The following ALDH5A1 variants were observed in gnomAD, a reference collection of about 807,000 sequenced individuals.
ALDH5A1 encodes the protein aldehyde dehydrogenase 5 family member A1, also known as succinate-semialdehyde dehydrogenase, mitochondrial.
A neutral mutation model predicts 54.7 loss-of-function variants in ALDH5A1; 33 were observed. The ratio of observed to expected loss-of-function variants is 0.60; its 90% CI spans 0.46 to 0.81. The LOEUF is 0.81. Ranked by LOEUF, ALDH5A1 falls within the 30% of genes least tolerant of loss-of-function variation. The pLI, the probability that ALDH5A1 is intolerant of heterozygous loss-of-function variation, is 0.00. For missense variants in ALDH5A1, 657 were observed against 711.0 expected, an observed-to-expected ratio of 0.92 and a Z score of 0.86; for synonymous variants, 294 against 292.7, an observed-to-expected ratio of 1.00 and a Z score of -0.05.
At chr6:24,525,569 G>A (rs979593735) in intron 7 of ALDH5A1, among the ~76,000 whole-genome samples, 3 of 151,804 alleles carry the variant, frequency 2.0e-5, no homozygotes, top group Non-Finnish European at 2.9e-5. Context: ...TTAGCCAGGT[G>A]TGGTGGCAAG....
chr6:24,504,805 C>T (rs1022416363), intron 3 of ALDH5A1, 64 bp from the exon 4 acceptor site: 6 of 1,467,000 alleles, frequency 4.1e-6, no homozygotes, highest in Non-Finnish European at 5.7e-6. Flanking sequence ...TCCCAACATG[C>T]CTTCCTTTGC....
At chr6:24,514,478 A>G (rs1470162337) in intron 4 of ALDH5A1, among the ~76,000 whole-genome samples, 2 of 152,146 alleles carry the variant, frequency 1.3e-5, no homozygotes, top group Non-Finnish European at 2.9e-5. Flanking sequence ...GTGGCTCACA[A>G]CTGTAATCCA....
Position 24,495,572 on chromosome 6 carries a change from G to A in ALDH5A1, c.354+222G>A, listed in dbSNP as rs569477806. On this transcript the variant is annotated intron_variant, in intron 1 of 9. Transcript: ENST00000357578. Reference sequence around the variant, plus strand: ...CTAGGGACACGACCCCTGCCCTCAAGCCTCATCAAGTTATGCACTGCCCAG... The same window carrying A: ...CTAGGGACACGACCCCTGCCCTCAAACCTCATCAAGTTATGCACTGCCCAG... Among the ~76,000 whole-genome samples, 10 of 152,320 alleles carry A rather than the reference G, an allele frequency of 6.6e-5. No individual in the cohort carries two copies. In the South Asian group the frequency reaches 1.7e-3, roughly 25 times the overall value.
Position 24,503,504 on chromosome 6 carries a change from C to T in ALDH5A1, c.609+71C>T, listed in dbSNP as rs2127382515. On this transcript the variant is annotated intron_variant, in intron 3 of 9. Transcript: ENST00000357578. Reference sequence around the variant, plus strand: ...GGAGTTGGGAAACAATTCATTCTTCCTCGTGAGCAGGTGTGCTCATCCTGT... The same window carrying T: ...GGAGTTGGGAAACAATTCATTCTTCTTCGTGAGCAGGTGTGCTCATCCTGT... 18 of 1,563,476 alleles carry T rather than the reference C, an allele frequency of 1.2e-5. 1 individual carries two copies. In the South Asian group the frequency reaches 1.9e-4, roughly 17 times the overall value.
chr6:24,532,084 C>G (rs778391183), intron 8 of ALDH5A1, 35 bp from the exon 9 acceptor site: 10 of 1,603,958 alleles, frequency 6.2e-6, no homozygotes, highest in Non-Finnish European at 8.5e-6. Flanking sequence ...TCCTCTCCCC[C>G]TTACATTTTT....
At chr6:24,514,369 C>T (rs991762025) in intron 4 of ALDH5A1, among the ~76,000 whole-genome samples, 1 of 152,180 alleles carries the variant, frequency 6.6e-6, no homozygotes. Flanking sequence ...TTGGCATCTC[C>T]TTTGATTTTT....
intron 4 of ALDH5A1, among the ~76,000 whole-genome samples, chr6:24,511,258 C>G (rs1581812493): frequency 1.3e-5 from 2 of 152,154 alleles, no homozygotes; most frequent in South Asian, 4.1e-4. Context: ...AAGACTCTTT[C>G]CTTCGTCTGA....
At chr6:24,499,068 C>T (rs1301017571) in intron 1 of ALDH5A1, among the ~76,000 whole-genome samples, 3 of 147,546 alleles carry the variant, frequency 2.0e-5, no homozygotes, top group African/African-American at 5.1e-5. Flanking sequence ...GCCAACTGCA[C>T]TCCAGCCTGG....
At chr6:24,527,247 A>G (rs1006416111) in intron 7 of ALDH5A1, among the ~76,000 whole-genome samples, 2 of 152,022 alleles carry the variant, frequency 1.3e-5, no homozygotes, top group African/African-American at 2.4e-5. Context: ...ATGAAAATTC[A>G]GAAACTAGAC....
At position 24,495,221 on chromosome 6, in the gene ALDH5A1, C is replaced by T. The variant is rs1581800805; in HGVS notation, c.225C>T (p.Thr75=). 5 of 1,512,828 alleles carry T rather than the reference C, an allele frequency of 3.3e-6. No individual in the cohort carries two copies. Among genetic ancestry groups the T allele is most frequent in the Non-Finnish European group, 4.4e-6 (5 of 1,138,388 alleles). 93.7% of individuals were successfully genotyped at this position (1,512,828 alleles called of 1,614,324 possible). ...GCCGCTGGCTCCCGGCCGCCGCCACCTTCCCCGTGCAAGACCCGGCCAGCG... is the reference window on the plus strand; with the variant it reads ...GCCGCTGGCTCCCGGCCGCCGCCACTTTCCCCGTGCAAGACCCGGCCAGCG... ...VGGRWLPAAA[T]FPVQDPASGA... The change falls in exon 1 of 10, where the codon ACC becomes ACT. Residue 75 remains threonine (T), a synonymous_variant. Coordinates refer to ENST00000357578, the MANE Select transcript of ALDH5A1 (RefSeq NM_001080.3).
intron 1 of ALDH5A1, among the ~76,000 whole-genome samples, chr6:24,495,592 G>A (rs1764685253): frequency 6.6e-6 from 1 of 152,200 alleles, no homozygotes; most frequent in Non-Finnish European, 1.5e-5. Context: ...GTTATGCACT[G>A]CCCAGTAGGG....
chr6:24,531,816 TC>T (rs1199421155), intron 8 of ALDH5A1, among the ~76,000 whole-genome samples: 10 of 152,200 alleles, frequency 6.6e-5, no homozygotes, highest in Non-Finnish European at 8.8e-5. Context: ...AGAATAGTAA[TC>T]CTTTTTTTTT....
intron 1 of ALDH5A1, among the ~76,000 whole-genome samples, chr6:24,496,824 A>G (rs900860758): frequency 3.9e-5 from 6 of 152,184 alleles, no homozygotes; most frequent in African/African-American, 1.4e-4. Flanking sequence ...ACCTCATCAT[A>G]ACTTAATTCC....
chr6:24,528,882 G>A (rs1477847356), intron 8 of ALDH5A1, among the ~76,000 whole-genome samples: 3 of 151,654 alleles, frequency 2.0e-5, no homozygotes, highest in Non-Finnish European at 4.4e-5. Flanking sequence ...TCACCATGTT[G>A]GCCAGGCTGT....
rs1239781252 is a variant in ALDH5A1 at position 24,535,468 on chromosome 6, T to C, written c.*1756T>C. 1.3e-5 allele frequency: 2 copies of C among 152,232 alleles called. No homozygotes were observed. The highest frequency in any genetic ancestry group is 4.8e-5 in the African/African-American group (2 of 41,452). The allele number at this position is 152,232 out of a possible 1,614,324, so 9.4% of individuals were successfully genotyped here. A position where few individuals can be genotyped will look rare whatever the true frequency, so the allele number is the denominator to read the frequency against. On this transcript the variant is annotated 3_prime_UTR_variant, in exon 10 of 10. Transcript: ENST00000357578. ...TGTGTAGTTTTTAGGTGGTTTTATA[T>C]AACATTTTAATTACTTGTGATTTAG...
chr6:24,507,468 T>TG (rs1455348209), intron 4 of ALDH5A1, among the ~76,000 whole-genome samples: 4 of 140,132 alleles, frequency 2.9e-5, no homozygotes, highest in Admixed American at 6.9e-5. Context: ...GTGTTTGGTT[T>TG]GGTTTTTTTC....
At chr6:24,521,020 C>A (rs564487926) in intron 6 of ALDH5A1, among the ~76,000 whole-genome samples, 1 of 152,212 alleles carries the variant, frequency 6.6e-6, no homozygotes, top group East Asian at 1.9e-4. Context: ...TCTCTGAGGC[C>A]AAGGGAAAGA....
chr6:24,512,406 A>T (rs1202944476), intron 4 of ALDH5A1, among the ~76,000 whole-genome samples: 1 of 152,106 alleles, frequency 6.6e-6, no homozygotes, highest in African/African-American at 2.4e-5. Flanking sequence ...ATCCACCATG[A>T]TCTCTAAAAT....
In ALDH5A1 at chr6:24,535,075, T is replaced by C. The variant is rs528407549; in HGVS notation, c.*1363T>C. 1.3e-5 allele frequency: 2 copies of C among 152,212 alleles called. No individual in the cohort carries two copies. Among genetic ancestry groups the C allele is most frequent in the Non-Finnish European group, 2.9e-5 (2 of 68,028 alleles). The allele number at this position is 152,212 out of a possible 1,614,324, so 9.4% of individuals were successfully genotyped here. Reference sequence around the variant, plus strand: ...ATGCAAATCCAATTAGGCGGCCAAGTAGGTGGAGACGAAGCACCTTCCTTT... The same window carrying C: ...ATGCAAATCCAATTAGGCGGCCAAGCAGGTGGAGACGAAGCACCTTCCTTT... On this transcript the variant is annotated 3_prime_UTR_variant, in exon 10 of 10. Transcript: ENST00000357578.
Sources: allele counts gnomAD v4.1 joint callset (sites outside exome capture counted in the v4.1 genomes callset), GRCh38; gene constraint gnomAD v4.1.1; transcripts MANE v1.5; gene names NCBI Gene and HGNC (gene_info 2026-07-23, HGNC 2026-07-21).